Variants in FOXP1 observed in about 807,000 individuals in gnomAD.
FOXP1 encodes forkhead box protein P1.
FOXP1 carries 15 observed loss-of-function variants against 98.2 expected under a neutral mutation model. The ratio of observed to expected loss-of-function variants is 0.15; its 90% confidence interval spans 0.10 to 0.24. The LOEUF (loss-of-function observed/expected upper bound fraction) is 0.24, where lower values mean the gene tolerates loss of function less well. FOXP1 is among the 10% of genes least tolerant of loss of function. FOXP1 has a pLI of 1.00. For missense variants in FOXP1, 633 were observed against 848.5 expected (o/e 0.75, Z 3.15); for synonymous variants, 371 against 314.5 (o/e 1.18, Z -1.90).
At chr3:71,557,268 A>T (rs1296878787) in intron 2 of FOXP1, among the ~76,000 whole-genome samples, 1 of 152,058 alleles carries the variant, frequency 6.6e-6, no homozygotes, top group Non-Finnish European at 1.5e-5. Flanking sequence ...AATGAGTAAG[A>T]TATATGTTTG....
intron 6 of FOXP1, among the ~76,000 whole-genome samples, chr3:71,133,822 A>ATGTG (rs10675924): frequency 2.0e-5 from 3 of 151,432 alleles, no homozygotes; most frequent in Non-Finnish European, 2.9e-5. Context: ...TACCCCGAAT[A>ATGTG]TGTGTGTGTG....
At chr3:71,467,456 T>C (rs542930600) in intron 3 of FOXP1, among the ~76,000 whole-genome samples, 2 of 152,172 alleles carry the variant, frequency 1.3e-5, no homozygotes, top group Non-Finnish European at 2.9e-5. Context: ...AAATGACTGA[T>C]GAAAATGATT....
intron 6 of FOXP1, among the ~76,000 whole-genome samples, chr3:71,163,238 C>A (rs1481429965): frequency 2.0e-5 from 3 of 152,032 alleles, no homozygotes; most frequent in African/African-American, 7.3e-5. Context: ...AATTGAGGTG[C>A]CAATGATTTA....
intron 12 of FOXP1, among the ~76,000 whole-genome samples, chr3:71,013,111 T>C (rs2043905140): frequency 1.3e-5 from 2 of 152,188 alleles, no homozygotes; most frequent in Non-Finnish European, 2.9e-5. Flanking sequence ...GAGATTAATA[T>C]TATTTCCTTA....
Position 71,241,784 on chromosome 3 carries a change from A to C in FOXP1, c.-11-43392T>G, listed in dbSNP as rs532409068. Among the ~76,000 whole-genome samples the C allele has an allele frequency of 4.6e-5, 7 of 152,366 alleles. No homozygotes were observed. The South Asian group carries it at 1.5e-3, about 32-fold the overall frequency. Reference sequence around the variant, plus strand: ...GCATCATCATTACAGGGCTCAAATTAAATTACACCATAATTAGCATATCAA... The same window carrying C: ...GCATCATCATTACAGGGCTCAAATTCAATTACACCATAATTAGCATATCAA... On this transcript the variant is annotated intron_variant, in intron 5 of 20. Transcript: ENST00000649528.
chr3:71,208,856 A>G (rs2064245845), intron 5 of FOXP1, among the ~76,000 whole-genome samples: 1 of 152,214 alleles, frequency 6.6e-6, no homozygotes, highest in Non-Finnish European at 1.5e-5. Context: ...ACAGCTGGGA[A>G]GAAGGCAAGA....
chr3:71,286,398 T>C (rs1464557885), intron 5 of FOXP1, among the ~76,000 whole-genome samples: 1 of 149,002 alleles, frequency 6.7e-6, no homozygotes, highest in Non-Finnish European at 1.5e-5. Flanking sequence ...CTTAATCAAT[T>C]AGTAACTATA....
chr3:71,575,298 C>G (rs1302287814), intron 2 of FOXP1, among the ~76,000 whole-genome samples: 2 of 152,194 alleles, frequency 1.3e-5, no homozygotes, highest in Admixed American at 1.3e-4. Flanking sequence ...ATAGAGATTT[C>G]AGTTCCACAC....
intron 3 of FOXP1, among the ~76,000 whole-genome samples, chr3:71,434,859 T>C (rs1417906997): frequency 5.9e-5 from 9 of 152,036 alleles, no homozygotes; most frequent in Non-Finnish European, 1.3e-4. Flanking sequence ...CACACACAAA[T>C]AGAGAGACTC....
At chr3:70,968,896 G>C (rs1285647051) in intron 19 of FOXP1, 1 of 152,174 alleles carries the variant, frequency 6.6e-6, no homozygotes, top group Non-Finnish European at 1.5e-5. Context: ...TCGTAGAAGA[G>C]AGGGAAACAA....
chr3:71,509,931 C>A (rs979218051), intron 2 of FOXP1, among the ~76,000 whole-genome samples: 4 of 152,124 alleles, frequency 2.6e-5, no homozygotes, highest in Non-Finnish European at 4.4e-5. Context: ...GTAATCCCAG[C>A]ACTTTGGGAG....
chr3:71,146,557 A>G (rs1370410036), intron 6 of FOXP1, among the ~76,000 whole-genome samples: 2 of 152,176 alleles, frequency 1.3e-5, no homozygotes, highest in African/African-American at 4.8e-5. Context: ...ATGTTTGTGG[A>G]CCTTCACAAA....
chr3:71,543,916 T>A (rs2045105873), intron 2 of FOXP1, among the ~76,000 whole-genome samples: 1 of 151,750 alleles, frequency 6.6e-6, no homozygotes, highest in African/African-American at 2.4e-5. Flanking sequence ...CTCTTTTGAA[T>A]ATATTTGTAA....
chr3:71,446,463 G>C (rs1201984735), intron 3 of FOXP1, among the ~76,000 whole-genome samples: 2 of 152,110 alleles, frequency 1.3e-5, no homozygotes, highest in African/African-American at 4.8e-5. Context: ...AAGGAGGGAG[G>C]GAGCCAGGCG....
At chr3:71,507,480 A>C (rs368891702) in intron 2 of FOXP1, among the ~76,000 whole-genome samples, 1 of 152,302 alleles carries the variant, frequency 6.6e-6, no homozygotes, top group East Asian at 1.9e-4. Flanking sequence ...TTATGCAACC[A>C]TTAAAAAGTA....
intron 6 of FOXP1, among the ~76,000 whole-genome samples, chr3:71,157,811 G>A (rs1312128446): frequency 6.6e-6 from 1 of 152,134 alleles, no homozygotes; most frequent in African/African-American, 2.4e-5. Flanking sequence ...GGGAGGCCAG[G>A]AGTAGTGGCT....
intron 5 of FOXP1, among the ~76,000 whole-genome samples, chr3:71,258,240 G>A (rs1162789892): frequency 6.6e-6 from 1 of 152,136 alleles, no homozygotes; most frequent in Non-Finnish European, 1.5e-5. Flanking sequence ...AGTCACACAG[G>A]CTGGGTTCAA....
At chr3:71,183,626 T>C (rs1031719800) in intron 6 of FOXP1, among the ~76,000 whole-genome samples, 1 of 152,214 alleles carries the variant, frequency 6.6e-6, no homozygotes, top group African/African-American at 2.4e-5. Flanking sequence ...TTCCGTTTGA[T>C]GGATATATAA....
At chr3:71,192,432 G>C (rs1379117517) in intron 6 of FOXP1, among the ~76,000 whole-genome samples, 4 of 152,184 alleles carry the variant, frequency 2.6e-5, no homozygotes, top group African/African-American at 9.7e-5. Context: ...GATGCAATAA[G>C]CACCTTCATC....
Sources: gnomAD v4.1 joint callset for allele counts (sites outside exome capture counted in the v4.1 genomes callset) on GRCh38, gnomAD v4.1.1 for gene constraint, MANE v1.5 for transcripts, NCBI Gene and HGNC (gene_info 2026-07-23, HGNC 2026-07-21) for gene names.